Variants in SERTAD4 observed in about 807,000 individuals in gnomAD.
The protein encoded by SERTAD4 is SERTA domain containing 4.
Under a neutral mutation model 32.9 loss-of-function variants are expected in SERTAD4, and 18 were observed. The observed-to-expected ratio is 0.55, with a 90% CI of 0.38 to 0.81. The LOEUF is 0.81. Among genes scored for constraint, SERTAD4 ranks in the 30% least tolerant of loss-of-function variants. The pLI is 0.00. For missense variants in SERTAD4, 383 were observed against 426.0 expected (o/e 0.90, Z 0.89); for synonymous variants, 150 against 156.4 (o/e 0.96, Z 0.30).
chr1:210,233,322 G>A (rs1310963264), intron 1 of SERTAD4, among the ~76,000 whole-genome samples: 1 of 152,090 alleles, frequency 6.6e-6, no homozygotes, highest in African/African-American at 2.4e-5. Flanking sequence ...GCTGCCACCC[G>A]CGCGCACCGA....
rs545500521 is a variant in SERTAD4 at position 210,239,366 on chromosome 1, A to G, written c.176-127A>G. 4.2e-5 allele frequency: 26 copies of G among 624,300 alleles called. No homozygotes were observed. The African/African-American group carries it at 4.9e-4, about 12-fold the overall frequency. 38.7% of individuals were successfully genotyped at this position (624,300 alleles called of 1,614,324 possible). A position where few individuals can be genotyped will look rare whatever the true frequency, so the allele number is the denominator to read the frequency against. On this transcript the variant is annotated intron_variant, in intron 2 of 3. Coordinates refer to ENST00000367012, the MANE Select transcript of SERTAD4 (RefSeq NM_019605.5). ...ACTATTAAGACAAATGTTTATTTTTAATCACCACATGTACAGACAAATATG... is the reference window on the plus strand; with the variant it reads ...ACTATTAAGACAAATGTTTATTTTTGATCACCACATGTACAGACAAATATG...
Position 210,243,419 on chromosome 1 carries a change from G to C in SERTAD4, c.*1082G>C, listed in dbSNP as rs1292946255. The C allele has an allele frequency of 6.6e-6, 1 of 152,172 alleles. No individual in the cohort carries two copies. The highest frequency in any genetic ancestry group is 1.9e-4 in the East Asian group (1 of 5,194). 9.4% of individuals were successfully genotyped at this position (152,172 alleles called of 1,614,324 possible). A position where few individuals can be genotyped will look rare whatever the true frequency, so the allele number is the denominator to read the frequency against. ...CATGCATTATACTTTTCTCTGTTTT[G>C]CATCATTTCACTTGTTTAGATTATA... On this transcript the variant is annotated 3_prime_UTR_variant, in exon 4 of 4. Transcript: ENST00000367012.
At chr1:210,237,853 G>A (rs924431510) in intron 1 of SERTAD4, 91 bp from the exon 2 acceptor site, 1 of 985,750 alleles carries the variant, frequency 1.0e-6, no homozygotes, top group African/African-American at 1.6e-5. Flanking sequence ...GTTTCCCAAA[G>A]CAAAGAAATG....
chr1:210,236,000 A>G (rs774411578), intron 1 of SERTAD4, among the ~76,000 whole-genome samples: 1 of 152,266 alleles, frequency 6.6e-6, no homozygotes, highest in Non-Finnish European at 1.5e-5. Flanking sequence ...TCTTGGCAAT[A>G]GTATTTCCTG....
intron 1 of SERTAD4, chr1:210,233,527 A>T (rs1487734452): frequency 2.7e-6 from 1 of 365,590 alleles, no homozygotes; most frequent in South Asian, 2.0e-5. Context: ...AAAGGAATTG[A>T]TGCAGTAGCT....
intron 3 of SERTAD4, among the ~76,000 whole-genome samples, chr1:210,240,622 G>C (rs1237855006): frequency 6.6e-6 from 1 of 152,192 alleles, no homozygotes; most frequent in Non-Finnish European, 1.5e-5. Flanking sequence ...TAGTTTCTGT[G>C]TTGTGGTTGT....
intron 1 of SERTAD4, among the ~76,000 whole-genome samples, chr1:210,235,931 A>T (rs1020870492): frequency 6.6e-6 from 1 of 152,222 alleles, no homozygotes; most frequent in Non-Finnish European, 1.5e-5. Flanking sequence ...AAACTAGAAA[A>T]TGTTGATTCT....
chr1:210,233,046 G>A (rs1240825757), intron 1 of SERTAD4, 35 bp downstream of exon 1: 1 of 151,426 alleles, frequency 6.6e-6, no homozygotes. Context: ...CGCGGGGGCG[G>A]GAGGGCCGGG....
At position 210,233,014 on chromosome 1, in the gene SERTAD4, A is replaced by C. The variant is rs2083892552; in HGVS notation, c.-18+3A>C. The C allele has an allele frequency of 2.0e-5, 3 of 150,758 alleles. No individual in the cohort carries two copies. The highest frequency in any genetic ancestry group is 6.6e-5 in the Admixed American group (1 of 15,138). 9.3% of individuals were successfully genotyped at this position (150,758 alleles called of 1,614,324 possible). A position where few individuals can be genotyped will look rare whatever the true frequency, so the allele number is the denominator to read the frequency against. On this transcript the variant is annotated splice_donor_region_variant and intron_variant, in intron 1 of 3. Coordinates refer to ENST00000367012, the MANE Select transcript of SERTAD4 (RefSeq NM_019605.5). The stretch of plus-strand genomic sequence containing the variant: ...GCCGCCTCCCCGCTGACCCCGCGGT[A>C]AGAGCCGGGCTGGGCGCGGGCCGCG...
At chr1:210,237,591 G>A (rs1310053596) in intron 1 of SERTAD4, 1 of 185,526 alleles carries the variant, frequency 5.4e-6, no homozygotes, top group African/African-American at 2.4e-5. Flanking sequence ...AAGCGCAAGG[G>A]TTTTGGCTTC....
rs1245147352 is a variant in SERTAD4 at position 210,243,145 on chromosome 1, CTG to C, written c.*810_*811del. The C allele has an allele frequency of 3.1e-6, 3 of 956,452 alleles. No homozygotes were observed. Among genetic ancestry groups the C allele is most frequent in the East Asian group, 2.5e-4 (2 of 8,104 alleles). The allele number at this position is 956,452 out of a possible 1,614,324, so 59.2% of individuals were successfully genotyped here. A position where few individuals can be genotyped will look rare whatever the true frequency, so the allele number is the denominator to read the frequency against. On this transcript the variant is annotated 3_prime_UTR_variant, in exon 4 of 4. Coordinates refer to ENST00000367012, the MANE Select transcript of SERTAD4 (RefSeq NM_019605.5). ...AGGGTGGATCAATATGGTTTGGAAACTGTTAACTTTGAACTATTGTGTTCAGC... is the reference window on the plus strand; with the variant it reads ...AGGGTGGATCAATATGGTTTGGAAACTTAACTTTGAACTATTGTGTTCAGC...
Position 210,240,615 on chromosome 1 carries a change from T to C in SERTAD4, c.292-943T>C, listed in dbSNP as rs971563134. Among the ~76,000 whole-genome samples the C allele has an allele frequency of 4.6e-5, 7 of 152,300 alleles. No homozygotes were observed. The East Asian group carries it at 1.4e-3, about 29-fold the overall frequency. On this transcript the variant is annotated intron_variant, in intron 3 of 3. Transcript: ENST00000367012. ...CACAAGCAGTTTATTTCCTTTTTAG[T>C]TTCTGTGTTGTGGTTGTAGCAGTTT...
At position 210,242,793 on chromosome 1, in the gene SERTAD4, A is replaced by G. The variant is rs2084012041; in HGVS notation, c.*456A>G. The G allele has an allele frequency of 2.2e-5, 22 of 988,176 alleles. No individual in the cohort carries two copies. The highest frequency in any genetic ancestry group is 2.5e-5 in the Non-Finnish European group (21 of 831,722). 61.2% of individuals were successfully genotyped at this position (988,176 alleles called of 1,614,324 possible). A position where few individuals can be genotyped will look rare whatever the true frequency, so the allele number is the denominator to read the frequency against. ...AATATTTTTTTTAAATAAAAGACTA[A>G]AGACAGGGAGCTAGATGAAATGGCT... On this transcript the variant is annotated 3_prime_UTR_variant, in exon 4 of 4. Coordinates refer to ENST00000367012, the MANE Select transcript of SERTAD4 (RefSeq NM_019605.5). This position sits in a 1 kb window ranked among gnomAD's most constrained non-coding sequence, Gnocchi z 4.0.
downstream of SERTAD4, chr1:210,246,541 T>C (rs1269056006): frequency 1.0e-6 from 1 of 983,156 alleles, no homozygotes; most frequent in Non-Finnish European, 1.2e-6. Flanking sequence ...TAAAATAGTC[T>C]GTAATTTCCT....
Position 210,241,785 on chromosome 1 carries a change from A to G in SERTAD4, c.519A>G (p.Arg173=). 2 of 1,614,094 alleles carry G rather than the reference A, an allele frequency of 1.2e-6. No homozygotes were observed. The highest frequency in any genetic ancestry group is 1.7e-6 in the Non-Finnish European group (2 of 1,180,002). The change falls in exon 4 of 4, where the codon CGA becomes CGG. Residue 173 remains arginine (R), a synonymous_variant. Coordinates refer to ENST00000367012, the MANE Select transcript of SERTAD4 (RefSeq NM_019605.5). ...EWFMAQDCPY[R]KRPRMAKEEC... is the part of the protein sequence containing the mutation. ...TTATGGCTCAAGACTGCCCTTACCG[A>G]AAACGACCACGGATGGCCAAAGAGG... is the stretch of plus-strand genomic sequence containing the variant.
intron 1 of SERTAD4, chr1:210,233,586 C>A (rs1410300883): frequency 4.5e-6 from 2 of 444,968 alleles, no homozygotes. Flanking sequence ...TCCTCCCAGG[C>A]AGCAGAGCTG....
chr1:210,237,921 G>GT (rs11347154), intron 1 of SERTAD4, 23 bp from the exon 2 acceptor site: 149,622 of 1,267,254 alleles, frequency 0.12, 5 homozygotes, highest in South Asian at 0.17. Context: ...CTTCATTCTT[G>GT]TTTTTTTTTT....
At chr1:210,238,334 A>G (rs1032020611) in intron 2 of SERTAD4, among the ~76,000 whole-genome samples, 199 bp downstream of exon 2, 44 of 152,208 alleles carry the variant, frequency 2.9e-4, no homozygotes, top group Admixed American at 9.2e-4. Flanking sequence ...TTTAAATTGC[A>G]TTCAAACCTG....
At position 210,241,863 on chromosome 1, in the gene SERTAD4, C is replaced by T. The variant is rs1392293308; in HGVS notation, c.597C>T (p.Tyr199=). The T allele has an allele frequency of 1.9e-6, 3 of 1,614,142 alleles. No homozygotes were observed. The highest frequency in any genetic ancestry group is 3.3e-5 in the Admixed American group (2 of 60,020). ...CCFYQECGGH[Y]LNLPLSVNAN... ...TTTACCAAGAATGTGGTGGCCACTA[C>T]CTAAATTTACCCCTTTCTGTCAATG... Residue 199 remains tyrosine (Y), a synonymous_variant, in exon 4 of 4, where the codon TAC becomes TAT. Transcript: ENST00000367012.
Sources: gnomAD v4.1 joint callset for allele counts (sites outside exome capture counted in the v4.1 genomes callset) on GRCh38, gnomAD v4.1.1 for gene constraint, Gnocchi (gnomAD v3.1) non-coding constraint, MANE v1.5 for transcripts, NCBI Gene and HGNC (gene_info 2026-07-23, HGNC 2026-07-21) for gene names.